Variants in KITLG observed in about 807,000 individuals in gnomAD.
The protein encoded by KITLG is c-Kit ligand.
A neutral mutation model predicts 34.1 loss-of-function variants in KITLG; 13 were observed. The ratio of observed to expected loss-of-function variants is 0.38; its 90% CI spans 0.25 to 0.61. The LOEUF (loss-of-function observed/expected upper bound fraction) is 0.61, where lower values mean the gene tolerates loss of function less well. Ranked by LOEUF, KITLG falls within the 20% of genes least tolerant of loss-of-function variation. The pLI, the probability that KITLG is intolerant of heterozygous loss-of-function variation, is 0.60. For synonymous variants in KITLG, 110 were observed against 104.0 expected, an observed-to-expected ratio of 1.06 and a Z score of -0.35; for missense variants, 292 against 318.9, an observed-to-expected ratio of 0.92 and a Z score of 0.64.
chr12:88,512,115 T>G (rs2120824021), intron 6 of KITLG, among the ~76,000 whole-genome samples: 1 of 152,228 alleles, frequency 6.6e-6, no homozygotes, highest in Admixed American at 6.5e-5. Flanking sequence ...AGACAAGAAC[T>G]TTAGAGCAGC....
intron 8 of KITLG, among the ~76,000 whole-genome samples, 183 bp downstream of exon 8, chr12:88,506,128 G>C (rs1448559962): frequency 6.6e-6 from 1 of 152,142 alleles, no homozygotes; most frequent in Non-Finnish European, 1.5e-5. Context: ...TATTCTGTAG[G>C]TAAATGGAGA....
chr12:88,506,308 T>A lies in KITLG; in HGVS notation c.782+3A>T. 1 of 1,596,512 alleles carries A rather than the reference T, an allele frequency of 6.3e-7. No individual in the cohort carries two copies. Among genetic ancestry groups the A allele is most frequent in the Non-Finnish European group, 8.6e-7 (1 of 1,164,070 alleles). Reference sequence around the variant, plus strand: ...TGGGCACACATTTAGCAAAACAAAATACCTTATCTCATTATCCTCTTCATT... The same window carrying A: ...TGGGCACACATTTAGCAAAACAAAAAACCTTATCTCATTATCCTCTTCATT... On this transcript the variant is annotated splice_donor_region_variant and intron_variant, in intron 8 of 9. Transcript: ENST00000644744.
At chr12:88,506,078 A>G in intron 8 of KITLG, among the ~76,000 whole-genome samples, 1 of 152,220 alleles carries the variant, frequency 6.6e-6, no homozygotes, top group East Asian at 1.9e-4. Flanking sequence ...TAACCCCTTT[A>G]CAAACCCTAA....
At chr12:88,572,316 G>C (rs1380495429) in intron 1 of KITLG, among the ~76,000 whole-genome samples, 1 of 151,692 alleles carries the variant, frequency 6.6e-6, no homozygotes, top group Non-Finnish European at 1.5e-5. Context: ...ATTATTAGAA[G>C]CTACTTATAA....
intron 4 of KITLG, 110 bp from the exon 5 acceptor site, chr12:88,516,600 C>T: frequency 1.5e-6 from 1 of 680,864 alleles, no homozygotes. Context: ...TAGACTCTTA[C>T]AACTAGCACT....
At chr12:88,537,347 G>T (rs1870362457) in intron 2 of KITLG, among the ~76,000 whole-genome samples, 1 of 151,924 alleles carries the variant, frequency 6.6e-6, no homozygotes, top group Admixed American at 6.6e-5. Flanking sequence ...GCAGCTGGAG[G>T]CCATCATTGT....
intron 1 of KITLG, among the ~76,000 whole-genome samples, chr12:88,560,314 T>C (rs1209303609): frequency 1.3e-5 from 2 of 152,258 alleles, no homozygotes; most frequent in Admixed American, 6.5e-5. Flanking sequence ...ATTTTATCTT[T>C]ATTGATCCCT....
intron 3 of KITLG, among the ~76,000 whole-genome samples, chr12:88,525,976 A>G (rs76344700): frequency 1.0e-3 from 155 of 152,308 alleles, no homozygotes; most frequent in African/African-American, 3.5e-3. Context: ...GCATGATTCT[A>G]TGGGTAGAAT....
At chr12:88,515,464 A>G (rs905366238) in intron 6 of KITLG, 70 bp downstream of exon 6, 2 of 920,940 alleles carry the variant, frequency 2.2e-6, no homozygotes, top group Non-Finnish European at 1.8e-6. Context: ...GTTTCCTTGA[A>G]AGCCCATGCA....
chr12:88,531,813 T>C (rs1024198981), intron 3 of KITLG, among the ~76,000 whole-genome samples: 3 of 152,114 alleles, frequency 2.0e-5, no homozygotes, highest in Admixed American at 6.6e-5. Flanking sequence ...TGGCCCTCTG[T>C]ATCCACGGAT....
intron 2 of KITLG, among the ~76,000 whole-genome samples, chr12:88,536,786 A>G (rs1447186791): frequency 6.6e-6 from 1 of 152,174 alleles, no homozygotes; most frequent in African/African-American, 2.4e-5. Flanking sequence ...TTGAACAATG[A>G]GAACACATGG....
At chr12:88,525,028 G>A (rs533899505) in intron 3 of KITLG, among the ~76,000 whole-genome samples, 1 of 152,226 alleles carries the variant, frequency 6.6e-6, no homozygotes, top group East Asian at 1.9e-4. Flanking sequence ...CAACCAGAAC[G>A]TTCCTCCCCA....
At chr12:88,567,944 C>T (rs951999524) in intron 1 of KITLG, among the ~76,000 whole-genome samples, 1 of 152,168 alleles carries the variant, frequency 6.6e-6, no homozygotes, top group East Asian at 1.9e-4. Context: ...TCATACTATA[C>T]AAAAACTAAT....
chr12:88,497,103 T>A lies in KITLG; in HGVS notation c.*116A>T, dbSNP rs909956153. The stretch of plus-strand genomic sequence containing the variant: ...CATGGGTAGCAAGAACAGATAAAGA[T>A]GTGGTCTGTCACTCCAGACAGAATA... On this transcript the variant is annotated 3_prime_UTR_variant, in exon 10 of 10. Transcript: ENST00000644744. 2.3e-5 allele frequency: 10 copies of A among 438,492 alleles called. No homozygotes were observed. Among genetic ancestry groups the A allele is most frequent in the Non-Finnish European group, 3.6e-5 (8 of 219,600 alleles). 27.2% of individuals were successfully genotyped at this position (438,492 alleles called of 1,614,324 possible).
chr12:88,524,566 A>G (rs771402598), intron 3 of KITLG, among the ~76,000 whole-genome samples: 4 of 152,102 alleles, frequency 2.6e-5, no homozygotes, highest in Non-Finnish European at 5.9e-5. Context: ...ATTTCATTAT[A>G]CTTAATTTCA....
chr12:88,561,728 A>G (rs2120956164), intron 1 of KITLG, among the ~76,000 whole-genome samples: 1 of 152,368 alleles, frequency 6.6e-6, no homozygotes, highest in South Asian at 2.1e-4. Flanking sequence ...TTTACGCCTT[A>G]GTAACCTTTA....
chr12:88,524,123 G>C (rs761413045), intron 3 of KITLG, among the ~76,000 whole-genome samples: 6 of 152,240 alleles, frequency 3.9e-5, no homozygotes, highest in Non-Finnish European at 8.8e-5. Context: ...TCTATTCAGG[G>C]CTTCAGTTTC....
chr12:88,501,585 C>T (rs1592835537), intron 9 of KITLG, among the ~76,000 whole-genome samples: 1 of 152,126 alleles, frequency 6.6e-6, no homozygotes, highest in East Asian at 1.9e-4. Context: ...TGGTAGAAGG[C>T]CAAATGTAAG....
At chr12:88,534,787 C>G (rs557483437) in intron 2 of KITLG, 2 of 426,860 alleles carry the variant, frequency 4.7e-6, no homozygotes, top group South Asian at 3.4e-5. Context: ...AACTTTCCAC[C>G]AAGCTTCCAT....
Sources: gnomAD v4.1 joint callset for allele counts (sites outside exome capture counted in the v4.1 genomes callset) on GRCh38, gnomAD v4.1.1 for gene constraint, MANE v1.5 for transcripts, NCBI Gene and HGNC (gene_info 2026-07-23, HGNC 2026-07-21) for gene names.